DHX8: variants seen among roughly 807,000 people sequenced by gnomAD.
The protein encoded by DHX8 is ATP-dependent RNA helicase DHX8.
Under a neutral mutation model 140.7 loss-of-function variants are expected in DHX8, and 67 were observed. The observed-to-expected ratio is 0.48, with a 90% CI of 0.39 to 0.58. The LOEUF (loss-of-function observed/expected upper bound fraction) is 0.58. Among genes scored for constraint, DHX8 ranks in the 20% least tolerant of loss-of-function variants. DHX8 has a pLI of 0.00. For synonymous variants in DHX8, 533 were observed against 553.2 expected (o/e 0.96, Z 0.51); for missense variants, 887 against 1,550.7 (o/e 0.57, Z 7.19).
At chr17:43,507,321 C>A in intron 13 of DHX8, 124 bp downstream of exon 13, 2 of 1,187,076 alleles carry the variant, frequency 1.7e-6, no homozygotes, top group Non-Finnish European at 1.2e-6. Context: ...GAGAGGGTTC[C>A]CATTGTCATA....
intron 17 of DHX8, among the ~76,000 whole-genome samples, chr17:43,514,149 C>T (rs73304560): frequency 4.6e-5 from 7 of 151,868 alleles, no homozygotes; most frequent in Non-Finnish European, 1.0e-4. Flanking sequence ...CTAAACTAGC[C>T]TGGGCAACAT....
rs981557921 is a variant in DHX8 at position 43,525,058 on chromosome 17, C to T, written c.*1211C>T. The T allele has an allele frequency of 6.1e-5, 60 of 985,376 alleles. No homozygotes were observed. The highest frequency in any genetic ancestry group is 1.1e-4 in the East Asian group (1 of 8,798). The allele number at this position is 985,376 out of a possible 1,614,324, so 61.0% of individuals were successfully genotyped here. On this transcript the variant is annotated 3_prime_UTR_variant, in exon 23 of 23. Coordinates refer to ENST00000262415, the MANE Select transcript of DHX8 (RefSeq NM_004941.3). ...ATCCTCCTGCCTCTGCCTCCCAAAGCGCTGGGATTACAGTTGAGAGCCACT... is the reference window on the plus strand; with the variant it reads ...ATCCTCCTGCCTCTGCCTCCCAAAGTGCTGGGATTACAGTTGAGAGCCACT...
chr17:43,489,330 G>A, intron 1 of DHX8, 119 bp from the exon 2 acceptor site: 1 of 684,100 alleles, frequency 1.5e-6, no homozygotes, highest in Non-Finnish European at 2.5e-6. Flanking sequence ...ACCCTTACCA[G>A]ATGGTGGTCT....
chr17:43,515,700 T>C (rs762760365), intron 17 of DHX8, among the ~76,000 whole-genome samples: 25 of 152,208 alleles, frequency 1.6e-4, no homozygotes, highest in Non-Finnish European at 3.1e-4. Context: ...TCTATACTAC[T>C]TGTCAGGGTG....
In DHX8 at chr17:43,490,462, A is replaced by T; in HGVS notation, c.306A>T (p.Lys102Asn). 2 of 1,612,496 alleles carry T rather than the reference A, an allele frequency of 1.2e-6. No homozygotes were observed. The highest frequency in any genetic ancestry group is 1.7e-6 in the Non-Finnish European group (2 of 1,178,990). ...CTCCAGCGAAGCCTTCCACTAGCAA[A>T]GGTAAGCAGAGCTTCCAGCTGAGCT... The part of the protein sequence containing the change: ...MRPPAKPSTS[K>N]DPVVKPKTEK... The change falls in exon 3 of 23, where the codon AAA becomes AAT. Residue 102 changes from lysine (K) to asparagine (N), a missense_variant and splice_region_variant. Physicochemically the swap from Lys to Asn is moderately conservative, Grantham distance 94. Transcript: ENST00000262415.
At chr17:43,528,869 A>G (rs1025644695), downstream of DHX8, 14 of 766,644 alleles carry the variant, frequency 1.8e-5, no homozygotes, top group Admixed American at 5.4e-5. Context: ...TTTCTCTCCC[A>G]TGCTGGTTCC....
At position 43,493,505 on chromosome 17, in the gene DHX8, T is replaced by G; in HGVS notation, c.924T>G (p.Asn308Lys). 1 of 1,614,026 alleles carries G rather than the reference T, an allele frequency of 6.2e-7. No individual in the cohort carries two copies. The highest frequency in any genetic ancestry group is 2.2e-5 in the East Asian group (1 of 44,876). ...TCCGGCGGGAGGGTCGTGTGGCCAATGTAGCTGATGTCGTGAGCAAAGGCC... is the reference window on the plus strand; with the variant it reads ...TCCGGCGGGAGGGTCGTGTGGCCAAGGTAGCTGATGTCGTGAGCAAAGGCC... ...SELRREGRVA[N>K]VADVVSKGQR... The change falls in exon 7 of 23, where the codon AAT becomes AAG. Residue 308 changes from asparagine (N) to lysine (K), a missense_variant. Transcript: ENST00000262415.
intron 18 of DHX8, chr17:43,518,769 T>G (rs1367986325): frequency 6.6e-6 from 1 of 152,192 alleles, no homozygotes; most frequent in Non-Finnish European, 1.5e-5. Flanking sequence ...CCCCTTCCTC[T>G]ATCCCTTGGT....
At chr17:43,528,511 G>C (rs538570019), downstream of DHX8, 1 of 1,585,630 alleles carries the variant, frequency 6.3e-7, no homozygotes, top group East Asian at 2.2e-5. Flanking sequence ...GGGAACAGCC[G>C]CTGGGGGCTA....
intron 16 of DHX8, among the ~76,000 whole-genome samples, chr17:43,512,683 C>A (rs1969909211): frequency 6.6e-6 from 1 of 152,132 alleles, no homozygotes; most frequent in Admixed American, 6.5e-5. Context: ...CAGTAAGATG[C>A]TGGCATGATG....
chr17:43,533,986 C>T (rs1445744425), intron 2 of DHX8: 5 of 1,526,638 alleles, frequency 3.3e-6, no homozygotes, highest in Admixed American at 2.5e-5. Flanking sequence ...TGGAAAGCTA[C>T]TGTGGGGGTG....
At chr17:43,538,139 TCA>T (rs1491244923) in intron 3 of DHX8, among the ~76,000 whole-genome samples, 2 of 87,108 alleles carry the variant, frequency 2.3e-5, no homozygotes, top group African/African-American at 1.2e-4. Context: ...AGACTCCATT[TCA>T]AAAAAAAAAA....
chr17:43,499,448 T>C (rs1346416957), intron 10 of DHX8, among the ~76,000 whole-genome samples: 2 of 152,224 alleles, frequency 1.3e-5, no homozygotes, highest in Non-Finnish European at 2.9e-5. Flanking sequence ...GAAATGCTTA[T>C]AATCCACGCA....
At chr17:43,508,861 C>G (rs373026701) in intron 16 of DHX8, among the ~76,000 whole-genome samples, 1 of 152,148 alleles carries the variant, frequency 6.6e-6, no homozygotes, top group Admixed American at 6.6e-5. Context: ...CCTCGTGATC[C>G]GCCCGCCTCA....
rs570813170 is a variant in DHX8 at position 43,509,826 on chromosome 17, G to A, written c.2502+1306G>A. ...TGGGACTATAAGCACCCACTACCAC[G>A]CCTGGCTTATTTTTGTATTTTTAGT... is the stretch of plus-strand genomic sequence containing the variant. On this transcript the variant is annotated intron_variant, in intron 16 of 22. Coordinates refer to ENST00000262415, the MANE Select transcript of DHX8 (RefSeq NM_004941.3). Among the ~76,000 whole-genome samples, 5 of 150,512 alleles carry A rather than the reference G, an allele frequency of 3.3e-5. No homozygotes were observed. The East Asian group carries it at 8.0e-4, about 24-fold the overall frequency.
At chr17:43,521,612 G>A in intron 21 of DHX8, 47 bp downstream of exon 21, 1 of 1,555,186 alleles carries the variant, frequency 6.4e-7, no homozygotes, top group Non-Finnish European at 8.8e-7. Context: ...GAACCACCTT[G>A]AGTATCATGT....
In DHX8 at chr17:43,523,523, T is replaced by G. The variant is rs1598181728; in HGVS notation, c.3444-105T>G. The G allele has an allele frequency of 5.9e-6, 9 of 1,526,952 alleles. No individual in the cohort carries two copies. In the South Asian group the frequency reaches 1.2e-4, roughly 20 times the overall value. The allele number at this position is 1,526,952 out of a possible 1,614,324, so 94.6% of individuals were successfully genotyped here. On this transcript the variant is annotated intron_variant, in intron 22 of 22. Transcript: ENST00000262415. ...TCTTATAGGTGTCAGGCAGGAGAGGTAATAGTATAAAATGTAAGCTCAGCT... is the reference window on the plus strand; with the variant it reads ...TCTTATAGGTGTCAGGCAGGAGAGGGAATAGTATAAAATGTAAGCTCAGCT...
At position 43,491,212 on chromosome 17, in the gene DHX8, T is replaced by C; in HGVS notation, c.355T>C (p.Phe119Leu). The C allele has an allele frequency of 6.5e-7, 1 of 1,540,046 alleles. No homozygotes were observed. Among genetic ancestry groups the C allele is most frequent in the Non-Finnish European group, 8.7e-7 (1 of 1,143,388 alleles). ...KTEKEKLKEL[F>L]PVLCQPDNPS... is the part of the protein sequence containing the mutation. ...AGAAAAAGAAAAGCTGAAGGAACTCTTCCCAGTCCTTTGCCAACCGGACAA... is the reference window on the plus strand; with the variant it reads ...AGAAAAAGAAAAGCTGAAGGAACTCCTCCCAGTCCTTTGCCAACCGGACAA... Residue 119 changes from phenylalanine (F) to leucine (L), a missense_variant, in exon 4 of 23, where the codon TTC (phenylalanine) becomes CTC (leucine). Around this residue, in one of 9 missense-constraint regions of DHX8, gnomAD observed 304 missense variants for 306.9 expected, o/e 0.99. Coordinates refer to ENST00000262415, the MANE Select transcript of DHX8 (RefSeq NM_004941.3).
intron 8 of DHX8, among the ~76,000 whole-genome samples, chr17:43,494,891 A>C (rs1442085535): frequency 1.3e-5 from 2 of 149,222 alleles, no homozygotes; most frequent in African/African-American, 4.9e-5. Flanking sequence ...AGCTCACTGC[A>C]ACCTCTGCCT....
Sources: gnomAD v4.1 joint callset for allele counts (sites outside exome capture counted in the v4.1 genomes callset) on GRCh38, gnomAD v4.1.1 for gene constraint, gnomAD v4.1.1 regional missense constraint, MANE v1.5 for transcripts, NCBI Gene and HGNC (gene_info 2026-07-23, HGNC 2026-07-21) for gene names.